The following EIF2AK4 variants were observed in gnomAD, a reference collection of about 807,000 sequenced individuals.
The protein encoded by EIF2AK4 is eIF-2-alpha kinase GCN2.
EIF2AK4 carries 139 observed loss-of-function variants against 211.1 expected under a neutral mutation model. The ratio of observed to expected loss-of-function variants is 0.66; its 90% CI spans 0.57 to 0.76. The LOEUF is 0.76. Ranked by LOEUF, EIF2AK4 falls within the 30% of genes least tolerant of loss-of-function variation. EIF2AK4 has a pLI of 0.00. For synonymous variants in EIF2AK4, 710 were observed against 751.3 expected, an observed-to-expected ratio of 0.94 and a Z score of 0.90; for missense variants, 1,664 against 2,043.8, an observed-to-expected ratio of 0.81 and a Z score of 3.58.
chr15:39,973,822 T>G (rs1339370174), intron 11 of EIF2AK4, 73 bp downstream of exon 11: 3 of 1,542,602 alleles, frequency 1.9e-6, no homozygotes, highest in Non-Finnish European at 2.6e-6. Flanking sequence ...ACTCATGGAC[T>G]TTACTTTTAT....
intron 9 of EIF2AK4, among the ~76,000 whole-genome samples, chr15:39,970,896 G>C (rs2034614786): frequency 6.6e-6 from 1 of 152,070 alleles, no homozygotes; most frequent in Non-Finnish European, 1.5e-5. Context: ...TTTTTTGCCT[G>C]TTCAAGCTAT....
In EIF2AK4 at chr15:40,032,815, A is replaced by C. The variant is rs1366564795; in HGVS notation, c.4773+14A>C. The C allele has an allele frequency of 6.2e-7, 1 of 1,604,934 alleles. No individual in the cohort carries two copies. The highest frequency in any genetic ancestry group is 8.5e-7 in the Non-Finnish European group (1 of 1,176,316). On this transcript the variant is annotated intron_variant, in intron 37 of 38. Transcript: ENST00000263791. Reference sequence around the variant, plus strand: ...TTATCATTAGAGGTAAGCAATATGAACTCTTCTGCACTGTGGCCTTTAAGA... The same window carrying C: ...TTATCATTAGAGGTAAGCAATATGACCTCTTCTGCACTGTGGCCTTTAAGA...
At position 39,992,831 on chromosome 15, in the gene EIF2AK4, A is replaced by C. The variant is rs1466652713; in HGVS notation, c.2749A>C (p.Lys917Gln). Residue 917 changes from lysine (K) to glutamine (Q), a missense_variant, in exon 18 of 39, where the codon AAA (lysine) becomes CAA (glutamine). Coordinates refer to ENST00000263791, the MANE Select transcript of EIF2AK4 (RefSeq NM_001013703.4). ...AAGCCCAGAGGTCCAAGGAAGCACC[A>C]AATCTGCATACAACCAGGTAAGAGG... ...YVSPEVQGST[K>Q]SAYNQKVDLF... 1 of 1,614,070 alleles carries C rather than the reference A, an allele frequency of 6.2e-7. No homozygotes were observed. The highest frequency in any genetic ancestry group is 8.5e-7 in the Non-Finnish European group (1 of 1,180,032).
intron 1 of EIF2AK4, among the ~76,000 whole-genome samples, chr15:39,937,992 A>C (rs983705371): frequency 3.3e-5 from 5 of 152,226 alleles, no homozygotes; most frequent in Non-Finnish European, 7.3e-5. Context: ...GGCTTGTCTC[A>C]GCTTCAATGC....
intron 13 of EIF2AK4, among the ~76,000 whole-genome samples, chr15:39,981,587 C>T (rs7165105): frequency 0.091 from 13,712 of 151,510 alleles, 1,055 homozygotes; most frequent in East Asian, 0.22. Context: ...GGAGTAGAAC[C>T]TGATTGTTAC....
chr15:39,994,733 C>T (rs1218377063), intron 18 of EIF2AK4, among the ~76,000 whole-genome samples: 1 of 152,180 alleles, frequency 6.6e-6, no homozygotes, highest in African/African-American at 2.4e-5. Context: ...TGGACAACAA[C>T]ATAAAGTTGA....
intron 7 of EIF2AK4, among the ~76,000 whole-genome samples, chr15:39,963,486 A>G (rs1015599890): frequency 6.6e-6 from 1 of 152,220 alleles, no homozygotes; most frequent in African/African-American, 2.4e-5. Context: ...GTTTTCTCAC[A>G]GTGGGTCTGA....
In EIF2AK4 at chr15:40,017,341, G is replaced by A; in HGVS notation, c.4065+99G>A. The A allele has an allele frequency of 2.9e-6, 4 of 1,382,290 alleles. No individual in the cohort carries two copies. The South Asian group carries it at 5.7e-5, about 20-fold the overall frequency. The allele number at this position is 1,382,290 out of a possible 1,614,324, so 85.6% of individuals were successfully genotyped here. Reference sequence around the variant, plus strand: ...AAACTAACACCAAAAATTTGAACCAGTAATATCATTGGATACTTCTATTAA... The same window carrying A: ...AAACTAACACCAAAAATTTGAACCAATAATATCATTGGATACTTCTATTAA... On this transcript the variant is annotated intron_variant, in intron 29 of 38. Transcript: ENST00000263791.
In EIF2AK4 at chr15:40,010,799, G is replaced by C. The variant is rs2035225430; in HGVS notation, c.3694-482G>C. Among the ~76,000 whole-genome samples the C allele has an allele frequency of 3.3e-5, 5 of 152,282 alleles. No homozygotes were observed. The South Asian group carries it at 1.0e-3, about 32-fold the overall frequency. On this transcript the variant is annotated intron_variant, in intron 26 of 38. Transcript: ENST00000263791. ...TTACTCCCCCTAAAGCTCTGCTGCT[G>C]TTTGTCAGTGACAGATACAATATGA...
intron 21 of EIF2AK4, 95 bp downstream of exon 21, chr15:40,001,319 A>T (rs1483377297): frequency 2.4e-6 from 3 of 1,261,052 alleles, no homozygotes; most frequent in Non-Finnish European, 3.4e-6. Flanking sequence ...CTCTAACATA[A>T]GTTCTTATGT....
chr15:39,969,401 C>T (rs2034591444), intron 9 of EIF2AK4, among the ~76,000 whole-genome samples: 1 of 141,918 alleles, frequency 7.0e-6, no homozygotes, highest in African/African-American at 2.7e-5. Flanking sequence ...GGCTGTGTCG[C>T]CCAGGCTGGA....
intron 11 of EIF2AK4, chr15:39,973,990 A>C: frequency 2.7e-6 from 1 of 366,614 alleles, no homozygotes; most frequent in Non-Finnish European, 4.9e-6. Context: ...TGAAACACAC[A>C]TGGTTATAAC....
chr15:39,949,009 C>G, intron 3 of EIF2AK4, 107 bp from the exon 4 acceptor site: 1 of 1,299,942 alleles, frequency 7.7e-7, no homozygotes. Flanking sequence ...TAATGGCATT[C>G]TAAGTGGGCC....
chr15:39,953,856 G>T (rs2034353512), intron 4 of EIF2AK4, 48 bp from the exon 5 acceptor site: 7 of 1,562,048 alleles, frequency 4.5e-6, no homozygotes, highest in Non-Finnish European at 6.1e-6. Flanking sequence ...TTTATATGTT[G>T]TATGGGTTTC....
rs1338825656 is a variant in EIF2AK4, at chr15:39,955,786, C to A, written c.743+18C>A. 3 of 1,569,780 alleles carry A rather than the reference C, an allele frequency of 1.9e-6. No individual in the cohort carries two copies. Among genetic ancestry groups the A allele is most frequent in the Admixed American group, 2.0e-5 (1 of 49,272 alleles). ...AGGTCTAGGTAAGTCCCTGGGATTT[C>A]TGATCTGGGAGAATGACAGATGTAG... On this transcript the variant is annotated intron_variant, in intron 6 of 38. Coordinates refer to ENST00000263791, the MANE Select transcript of EIF2AK4 (RefSeq NM_001013703.4).
chr15:39,946,288 C>T (rs187244139), intron 3 of EIF2AK4, among the ~76,000 whole-genome samples: 25 of 152,248 alleles, frequency 1.6e-4, no homozygotes, highest in Non-Finnish European at 3.1e-4. Context: ...TCAACATGAA[C>T]AGGAGTTTGG....
In EIF2AK4 at chr15:39,949,217, T is replaced by C; in HGVS notation, c.462T>C (p.Ala154=). ...SFHEEMLERR[A]QEEQQRLLEA... ...ATGAAGAAATGCTGGAAAGGCGGGCTCAGGAGGAGCAGCAGAGGCTGTTGG... is the reference window on the plus strand; with the variant it reads ...ATGAAGAAATGCTGGAAAGGCGGGCCCAGGAGGAGCAGCAGAGGCTGTTGG... The change falls in exon 4 of 39, where the codon GCT becomes GCC. Residue 154 remains alanine, a synonymous_variant. Transcript: ENST00000263791. 2.5e-6 allele frequency: 4 copies of C among 1,614,066 alleles called. No individual in the cohort carries two copies.
chr15:40,009,590 T>C (rs766327383), intron 25 of EIF2AK4, 24 bp from the exon 26 acceptor site: 1 of 1,458,324 alleles, frequency 6.9e-7, no homozygotes, highest in Non-Finnish European at 9.4e-7. Context: ...ATAATGAAAA[T>C]AGTAATTTTT....
intron 5 of EIF2AK4, among the ~76,000 whole-genome samples, chr15:39,954,316 G>C (rs1308000091): frequency 6.6e-6 from 1 of 152,180 alleles, no homozygotes; most frequent in Non-Finnish European, 1.5e-5. Context: ...GCAGTGGTAT[G>C]ATCTCAGCCC....
Sources: allele counts gnomAD v4.1 joint callset (sites outside exome capture counted in the v4.1 genomes callset), GRCh38; gene constraint gnomAD v4.1.1; transcripts MANE v1.5; gene names NCBI Gene and HGNC (gene_info 2026-07-23, HGNC 2026-07-21).